ASTN2: variants seen among roughly 807,000 people sequenced by gnomAD.
ASTN2 encodes astrotactin-2.
A neutral mutation model predicts 139.8 loss-of-function variants in ASTN2; 54 were observed. The observed-to-expected ratio is 0.39, with a 90% CI of 0.31 to 0.48. The LOEUF is 0.48. Among genes scored for constraint, ASTN2 ranks in the 20% least tolerant of loss-of-function variants. ASTN2 has a pLI of 0.95. For synonymous variants in ASTN2, 756 were observed against 719.5 expected, an observed-to-expected ratio of 1.05 and a Z score of -0.81; for missense variants, 1,565 against 1,725.1, an observed-to-expected ratio of 0.91 and a Z score of 1.64.
intron 2 of ASTN2, among the ~76,000 whole-genome samples, chr9:117,252,728 G>A (rs973493542): frequency 6.6e-6 from 1 of 152,178 alleles, no homozygotes; most frequent in Non-Finnish European, 1.5e-5. Context: ...TGAGGTTTAG[G>A]AATTTGCAGA....
Position 116,699,933 on chromosome 9 carries a change from C to T in ASTN2, c.2806+25838G>A, listed in dbSNP as rs770788386. 480 of 631,880 alleles carry T rather than the reference C, an allele frequency of 7.6e-4. 2 individuals are homozygous for T. The highest frequency in any genetic ancestry group is 3.6e-3 in the Middle Eastern group (8 of 2,252). The allele number at this position is 631,880 out of a possible 1,614,324, so 39.1% of individuals were successfully genotyped here. A position where few individuals can be genotyped will look rare whatever the true frequency, so the allele number is the denominator to read the frequency against. On this transcript the variant is annotated intron_variant, in intron 16 of 22. Transcript: ENST00000313400. This position sits in a 1 kb window ranked among gnomAD's most constrained non-coding sequence, Gnocchi z 4.2. Reference sequence around the variant, plus strand: ...AGATGCACTGCCCAAATAGGACACACGATGGTGTTAGCTGAAGTTTGATTA... The same window carrying T: ...AGATGCACTGCCCAAATAGGACACATGATGGTGTTAGCTGAAGTTTGATTA...
chr9:117,360,580 C>G (rs1178812368), intron 1 of ASTN2, among the ~76,000 whole-genome samples: 1 of 152,162 alleles, frequency 6.6e-6, no homozygotes, highest in Non-Finnish European at 1.5e-5. Flanking sequence ...ATTGAACAAA[C>G]AGCCATCCTA....
chr9:116,502,214 G>A (rs1424004257), intron 19 of ASTN2, among the ~76,000 whole-genome samples: 4 of 151,380 alleles, frequency 2.6e-5, no homozygotes, highest in Non-Finnish European at 5.9e-5. Context: ...GGACAGAGAG[G>A]CAGAGAGACA....
intron 10 of ASTN2, among the ~76,000 whole-genome samples, chr9:116,943,995 C>T (rs561154498): frequency 2.8e-3 from 422 of 151,472 alleles, no homozygotes; most frequent in Non-Finnish European, 4.5e-3. Flanking sequence ...ATATAGAAAC[C>T]GACAATTACA....
At chr9:117,147,868 C>T (rs1830237858) in intron 3 of ASTN2, among the ~76,000 whole-genome samples, 1 of 152,278 alleles carries the variant, frequency 6.6e-6, no homozygotes, top group South Asian at 2.1e-4. Flanking sequence ...TATAAGTACT[C>T]CCTCTCTGGT....
intron 19 of ASTN2, chr9:116,612,893 CAAAAA>C (rs148781475): frequency 7.9e-6 from 1 of 126,288 alleles, no homozygotes; most frequent in Non-Finnish European, 1.7e-5. Context: ...GAGATAGAGA[CAAAAA>C]AAAAAAAACC....
chr9:117,380,780 G>A (rs993123219), intron 1 of ASTN2, among the ~76,000 whole-genome samples: 1 of 152,062 alleles, frequency 6.6e-6, no homozygotes, highest in South Asian at 2.1e-4. Context: ...GTGAGGATCT[G>A]GAGCAAGTGG....
At chr9:116,757,057 C>T (rs985088672) in intron 13 of ASTN2, among the ~76,000 whole-genome samples, 2 of 152,214 alleles carry the variant, frequency 1.3e-5, no homozygotes, top group African/African-American at 4.8e-5. Flanking sequence ...TTCCTGTCCA[C>T]AGGCCAGTCC....
chr9:116,757,381 G>A (rs935089253), intron 13 of ASTN2, among the ~76,000 whole-genome samples: 5 of 152,134 alleles, frequency 3.3e-5, no homozygotes, highest in African/African-American at 1.2e-4. Flanking sequence ...GAAGTTCCTG[G>A]CCCACTGGGA....
chr9:116,631,675 T>C (rs573617470), intron 17 of ASTN2, among the ~76,000 whole-genome samples: 6 of 152,276 alleles, frequency 3.9e-5, no homozygotes, highest in Non-Finnish European at 7.4e-5. Context: ...ATGACTATAG[T>C]TAACAATAAT....
intron 2 of ASTN2, 41 bp downstream of exon 2, chr9:117,291,285 C>G (rs756411302): frequency 1.5e-5 from 24 of 1,607,892 alleles, no homozygotes; most frequent in Non-Finnish European, 1.8e-5. Flanking sequence ...ATTCCTCCCC[C>G]ACGCAATCCC....
chr9:116,607,294 T>C (rs1472426299), intron 19 of ASTN2, among the ~76,000 whole-genome samples: 1 of 152,042 alleles, frequency 6.6e-6, no homozygotes, highest in Non-Finnish European at 1.5e-5. Context: ...AACCCCAACA[T>C]ATAAGGATAC....
chr9:116,957,049 A>ATT (rs527429954), intron 10 of ASTN2, among the ~76,000 whole-genome samples: 6,534 of 141,780 alleles, frequency 0.046, 223 homozygotes, highest in Middle Eastern at 0.13. Context: ...TTCCCAGTTA[A>ATT]TTTTTTTTTT....
chr9:116,866,767 C>T (rs1833022061), intron 10 of ASTN2, among the ~76,000 whole-genome samples: 1 of 151,882 alleles, frequency 6.6e-6, no homozygotes, highest in Non-Finnish European at 1.5e-5. Context: ...GGGGCATGCT[C>T]CTGTAATCCC....
At chr9:116,911,759 C>T (rs1252236479) in intron 10 of ASTN2, among the ~76,000 whole-genome samples, 1 of 152,034 alleles carries the variant, frequency 6.6e-6, no homozygotes, top group Non-Finnish European at 1.5e-5. Context: ...AAAAAGTTAG[C>T]CAGGCGTGGT....
chr9:116,551,433 A>G (rs1852338570), intron 19 of ASTN2, among the ~76,000 whole-genome samples: 1 of 152,152 alleles, frequency 6.6e-6, no homozygotes, highest in South Asian at 2.1e-4. Context: ...TGGGCCGTAT[A>G]GACTAGGAGA....
intron 19 of ASTN2, chr9:116,611,610 G>T (rs554328954): frequency 3.4e-4 from 52 of 151,826 alleles, no homozygotes; most frequent in Non-Finnish European, 1.2e-4. Context: ...GAATAGTAAC[G>T]GAATGTCATA....
intron 13 of ASTN2, among the ~76,000 whole-genome samples, chr9:116,784,699 G>A (rs1011808897): frequency 1.5e-4 from 23 of 152,136 alleles, no homozygotes; most frequent in African/African-American, 5.5e-4. Flanking sequence ...GGAAGTTGAG[G>A]TGGGTGAATC....
intron 10 of ASTN2, among the ~76,000 whole-genome samples, chr9:116,946,832 C>T (rs1835407691): frequency 6.7e-6 from 1 of 148,922 alleles, no homozygotes; most frequent in South Asian, 2.2e-4. Flanking sequence ...AATGTGCCAC[C>T]TTTATCTTTT....
Sources: allele counts gnomAD v4.1 joint callset (sites outside exome capture counted in the v4.1 genomes callset), GRCh38; gene constraint gnomAD v4.1.1; non-coding constraint Gnocchi (gnomAD v3.1); transcripts MANE v1.5; gene names NCBI Gene and HGNC (gene_info 2026-07-23, HGNC 2026-07-21).